Variants in GAB2 observed in about 807,000 individuals in gnomAD.
GAB2 encodes GRB2-associated-binding protein 2.
GAB2 carries 26 observed loss-of-function variants against 65.5 expected under a neutral mutation model. That is an observed-to-expected ratio of 0.40 (90% CI 0.29 to 0.55). GAB2 has a LOEUF of 0.55. GAB2 is among the 20% of genes least tolerant of loss of function. GAB2 has a pLI of 0.53. For missense variants in GAB2, 884 were observed against 875.8 expected, an observed-to-expected ratio of 1.01 and a Z score of -0.12; for synonymous variants, 321 against 329.6, an observed-to-expected ratio of 0.97 and a Z score of 0.28.
chr11:78,319,727 C>T (rs1855685160), intron 1 of GAB2, among the ~76,000 whole-genome samples: 1 of 152,122 alleles, frequency 6.6e-6, no homozygotes, highest in Non-Finnish European at 1.5e-5. Flanking sequence ...TTAAAGTGCA[C>T]TTAAAATAAA....
chr11:78,309,927 TGTGTGTG>T (rs1261655983), intron 1 of GAB2, among the ~76,000 whole-genome samples: 45 of 14,158 alleles, frequency 3.2e-3, no homozygotes, highest in African/African-American at 3.5e-3. Context: ...GGGTTAGAAA[TGTGTGTG>T]TGTGTGTGTG....
rs1855706614 is a variant in GAB2, at chr11:78,320,724, CCTT to C, written c.76-39826_76-39824del. ...CATGACCACACCTGGATAATTTTTG[CCTT>C]TTTTTTTTTTTTTTTTTTTGGTAGA... On this transcript the variant is annotated intron_variant, in intron 1 of 9. Coordinates refer to ENST00000361507, the MANE Select transcript of GAB2 (RefSeq NM_080491.3). Among the ~76,000 whole-genome samples the C allele has an allele frequency of 3.3e-5, 3 of 91,550 alleles. No individual in the cohort carries two copies. In the South Asian group the frequency reaches 9.6e-4, roughly 29 times the overall value. 60.1% of individuals were successfully genotyped at this position (91,550 alleles called of 152,430 possible).
At chr11:78,331,926 A>T (rs1855921818) in intron 1 of GAB2, among the ~76,000 whole-genome samples, 1 of 152,184 alleles carries the variant, frequency 6.6e-6, no homozygotes, top group African/African-American at 2.4e-5. Flanking sequence ...TCCATTGGGA[A>T]GGGGAAAAAA....
intron 3 of GAB2, among the ~76,000 whole-genome samples, chr11:78,245,282 AGAT>A (rs1865266235): frequency 6.6e-6 from 1 of 152,216 alleles, no homozygotes; most frequent in South Asian, 2.1e-4. Flanking sequence ...AAAATGGTTA[AGAT>A]GATATATTTA....
At chr11:78,241,095 CA>C (rs1590958045) in intron 3 of GAB2, among the ~76,000 whole-genome samples, 2 of 152,148 alleles carry the variant, frequency 1.3e-5, no homozygotes, top group East Asian at 3.8e-4. Flanking sequence ...GAGAAAGACC[CA>C]AAAAGCCCTT....
chr11:78,280,886 A>G lies in GAB2; in HGVS notation c.91T>C (p.Trp31Arg). 1 of 1,613,734 alleles carries G rather than the reference A, an allele frequency of 6.2e-7. No individual in the cohort carries two copies. ...KLRRYAWKKR[W>R]FILRSGRMSG... ...ATCCGGCCACTCCGCAGGATAAACC[A>G]GCGTTTCTTCCAGGCCTAAATCATA... Residue 31 changes from tryptophan (W) to arginine (R), a missense_variant, in exon 2 of 10, where the codon TGG (tryptophan) becomes CGG (arginine). By Grantham distance (101) the Trp-to-Arg change is moderately radical. Coordinates refer to ENST00000361507, the MANE Select transcript of GAB2 (RefSeq NM_080491.3).
intron 6 of GAB2, 39 bp from the exon 7 acceptor site, chr11:78,222,234 T>C (rs1363299002): frequency 2.3e-6 from 3 of 1,312,576 alleles, no homozygotes; most frequent in Admixed American, 1.7e-5. Flanking sequence ...CAGCCAGTAA[T>C]GATAATGCTA....
intron 1 of GAB2, among the ~76,000 whole-genome samples, chr11:78,292,006 GT>G (rs1565145849): frequency 4.9e-3 from 21 of 4,316 alleles, no homozygotes; most frequent in Non-Finnish European, 0.044. Context: ...GTGTAGGGGT[GT>G]GTGTGTGTGT....
intron 2 of GAB2, among the ~76,000 whole-genome samples, chr11:78,277,619 G>A (rs1198680313): frequency 6.6e-6 from 1 of 152,220 alleles, no homozygotes; most frequent in African/African-American, 2.4e-5. Context: ...GCTGGTAAAA[G>A]AATGCCTCAA....
intron 1 of GAB2, among the ~76,000 whole-genome samples, chr11:78,315,558 A>T (rs1389574670): frequency 6.6e-6 from 1 of 152,246 alleles, no homozygotes; most frequent in Non-Finnish European, 1.5e-5. Flanking sequence ...TGAAAATGAT[A>T]AACCTCTCAG....
In GAB2 at chr11:78,222,125, G is replaced by A. The variant is rs1296722226; in HGVS notation, c.1638C>T (p.Thr546=). ...CTTACTTGGCCCTAGACCAAGACTT[G>A]GTGATAGGTGACTTGAAGGGGAGTT... The part of the protein sequence containing the change: ...IDELPFKSPI[T]KSWSRANHTF... The change falls in exon 7 of 10, where the codon ACC becomes ACT. Residue 546 remains threonine, a synonymous_variant. Transcript: ENST00000361507. 6.2e-7 allele frequency: 1 copy of A among 1,612,480 alleles called. No homozygotes were observed. Among genetic ancestry groups the A allele is most frequent in the Non-Finnish European group, 8.5e-7 (1 of 1,178,624 alleles).
At position 78,217,399 on chromosome 11, in the gene GAB2, G is replaced by A. The variant is rs1047228380; in HGVS notation, c.*1873C>T. 6.6e-6 allele frequency: 1 copy of A among 152,222 alleles called. No individual in the cohort carries two copies. The highest frequency in any genetic ancestry group is 2.4e-5 in the African/African-American group (1 of 41,442). 9.4% of individuals were successfully genotyped at this position (152,222 alleles called of 1,614,324 possible). ...TGCTAGGAGGAGAGGTGCAGCTCTT[G>A]AAGAAATAACTTCTTCCAGGATGGG... On this transcript the variant is annotated 3_prime_UTR_variant, in exon 10 of 10. Coordinates refer to ENST00000361507, the MANE Select transcript of GAB2 (RefSeq NM_080491.3).
At chr11:78,273,082 G>T (rs375405352) in intron 2 of GAB2, among the ~76,000 whole-genome samples, 9 of 152,372 alleles carry the variant, frequency 5.9e-5, no homozygotes, top group African/African-American at 2.2e-4. Flanking sequence ...GCAGAAGTTT[G>T]TTGCAGGTGT....
chr11:78,261,782 C>T (rs368179341), intron 2 of GAB2, among the ~76,000 whole-genome samples: 62 of 152,244 alleles, frequency 4.1e-4, no homozygotes, highest in African/African-American at 1.4e-3. Flanking sequence ...TCAGAAAGAA[C>T]AAATTTATAC....
intron 1 of GAB2, among the ~76,000 whole-genome samples, chr11:78,376,518 C>G (rs1856633042): frequency 6.6e-6 from 1 of 152,206 alleles, no homozygotes; most frequent in Non-Finnish European, 1.5e-5. Flanking sequence ...GACCAGCCAG[C>G]TCTTGCTACA....
intron 1 of GAB2, among the ~76,000 whole-genome samples, chr11:78,404,196 G>A (rs1268420455): frequency 6.6e-6 from 1 of 152,190 alleles, no homozygotes; most frequent in Non-Finnish European, 1.5e-5. Flanking sequence ...ATCAACCTAA[G>A]TGTCCATCAA....
chr11:78,266,112 G>A (rs549935608), intron 2 of GAB2, among the ~76,000 whole-genome samples: 45 of 149,164 alleles, frequency 3.0e-4, no homozygotes, highest in Non-Finnish European at 4.6e-4. Flanking sequence ...CTACTTGAGA[G>A]GCTGAGGTGA....
chr11:78,338,463 G>A (rs773941142), intron 1 of GAB2, among the ~76,000 whole-genome samples: 2 of 152,050 alleles, frequency 1.3e-5, no homozygotes, highest in Non-Finnish European at 2.9e-5. Flanking sequence ...TACACCAAAG[G>A]CAGGAACTGC....
At chr11:78,247,585 G>A (rs1001575270) in intron 3 of GAB2, among the ~76,000 whole-genome samples, 9 of 152,046 alleles carry the variant, frequency 5.9e-5, no homozygotes, top group East Asian at 3.9e-4. Flanking sequence ...TATTCTCGAC[G>A]ATATATTATT....
Sources: allele counts gnomAD v4.1 joint callset (sites outside exome capture counted in the v4.1 genomes callset), GRCh38; gene constraint gnomAD v4.1.1; transcripts MANE v1.5; gene names NCBI Gene and HGNC (gene_info 2026-07-23, HGNC 2026-07-21).